The following FHIT variants were observed in gnomAD, a reference collection of about 807,000 sequenced individuals.
FHIT encodes fragile histidine triad diadenosine triphosphatase, also known as bis(5'-adenosyl)-triphosphatase.
Under a neutral mutation model 17.9 loss-of-function variants are expected in FHIT, and 19 were observed. The observed-to-expected ratio is 1.06, with a 90% CI of 0.74 to 1.56. The LOEUF (loss-of-function observed/expected upper bound fraction) is 1.56. FHIT is among the 40% of genes most tolerant of loss of function. The pLI, the probability that FHIT is intolerant of heterozygous loss-of-function variation, is 0.00. For synonymous variants in FHIT, 81 were observed against 69.7 expected, an observed-to-expected ratio of 1.16 and a Z score of -0.81; for missense variants, 248 against 189.2, an observed-to-expected ratio of 1.31 and a Z score of -1.82.
chr3:61,010,469 A>T (rs1161220658), intron 3 of FHIT, among the ~76,000 whole-genome samples: 2 of 152,232 alleles, frequency 1.3e-5, no homozygotes, highest in Non-Finnish European at 2.9e-5. Context: ...TTGTCATTTT[A>T]CAGATGACAA....
chr3:61,099,999 G>A (rs2035767358), intron 2 of FHIT, among the ~76,000 whole-genome samples: 1 of 152,080 alleles, frequency 6.6e-6, no homozygotes, highest in Non-Finnish European at 1.5e-5. Flanking sequence ...TAGTGGGTGT[G>A]AAGTGGTGTC....
At chr3:60,411,855 C>T (rs749063169) in intron 5 of FHIT, among the ~76,000 whole-genome samples, 3 of 152,016 alleles carry the variant, frequency 2.0e-5, no homozygotes, top group Non-Finnish European at 2.9e-5. Flanking sequence ...AGAAACAATT[C>T]CCAAAGAGGT....
intron 4 of FHIT, among the ~76,000 whole-genome samples, chr3:60,667,656 G>T (rs782676306): frequency 7.2e-4 from 110 of 151,998 alleles, no homozygotes; most frequent in Non-Finnish European, 1.3e-3. Context: ...GATTTTCTTG[G>T]TTCTTGGTAT....
At chr3:60,554,729 T>A (rs2036685010) in intron 4 of FHIT, among the ~76,000 whole-genome samples, 1 of 152,210 alleles carries the variant, frequency 6.6e-6, no homozygotes, top group Admixed American at 6.5e-5. Flanking sequence ...ATAAATTATA[T>A]TTTGAACATT....
chr3:60,067,658 A>C (rs1428967321), intron 5 of FHIT, among the ~76,000 whole-genome samples: 1 of 152,156 alleles, frequency 6.6e-6, no homozygotes, highest in African/African-American at 2.4e-5. Flanking sequence ...TGCGAAAGTC[A>C]CTTCTACAGC....
At chr3:60,314,166 G>A (rs962944744) in intron 5 of FHIT, among the ~76,000 whole-genome samples, 1 of 152,126 alleles carries the variant, frequency 6.6e-6, no homozygotes, top group Non-Finnish European at 1.5e-5. Flanking sequence ...CAGCTGTCCT[G>A]CTCTTGTGTC....
At chr3:60,084,101 A>G (rs1017987616) in intron 5 of FHIT, among the ~76,000 whole-genome samples, 1 of 152,194 alleles carries the variant, frequency 6.6e-6, no homozygotes, top group African/African-American at 2.4e-5. Context: ...ATACGTACAT[A>G]CATAATGTTG....
At chr3:60,975,671 G>T (rs1157244443) in intron 3 of FHIT, among the ~76,000 whole-genome samples, 1 of 151,990 alleles carries the variant, frequency 6.6e-6, no homozygotes, top group Non-Finnish European at 1.5e-5. Flanking sequence ...AACCTTTTTT[G>T]AATATGACCC....
chr3:60,701,000 G>C (rs781935629), intron 4 of FHIT, among the ~76,000 whole-genome samples: 1 of 151,752 alleles, frequency 6.6e-6, no homozygotes, highest in Non-Finnish European at 1.5e-5. Context: ...TAATTCATCT[G>C]AATTTTTAGA....
At chr3:61,230,387 T>C (rs1246511130) in intron 1 of FHIT, among the ~76,000 whole-genome samples, 1 of 152,222 alleles carries the variant, frequency 6.6e-6, no homozygotes, top group African/African-American at 2.4e-5. Flanking sequence ...TTTTGCCATA[T>C]GACATGCCTG....
intron 4 of FHIT, among the ~76,000 whole-genome samples, chr3:60,702,494 A>G (rs1165779661): frequency 6.6e-6 from 1 of 151,778 alleles, no homozygotes; most frequent in East Asian, 1.9e-4. Context: ...AATTGTTACT[A>G]AGGATTTTAT....
rs1048707792 is a variant in FHIT at position 59,748,407 on chromosome 3, G to A, written c.*1178C>T. 6.6e-5 allele frequency among the ~76,000 whole-genome samples: 10 copies of A among 152,084 alleles called. No homozygotes were observed. Among genetic ancestry groups the A allele is most frequent in the African/African-American group, 2.4e-4 (10 of 41,434 alleles). ...GAAAGTGGGAGGGTAGCCTAGGCAG[G>A]ATTCAGCATGATCTGAGAATCTTGC... On this transcript the variant is annotated 3_prime_UTR_variant, in exon 10 of 10. Transcript: ENST00000492590.
intron 5 of FHIT, among the ~76,000 whole-genome samples, chr3:60,469,048 G>A (rs2032946590): frequency 6.6e-6 from 1 of 151,958 alleles, no homozygotes; most frequent in Non-Finnish European, 1.5e-5. Context: ...ATACATTTTG[G>A]AGATCTTTGT....
chr3:59,965,018 T>C (rs192246334), intron 7 of FHIT, among the ~76,000 whole-genome samples: 9 of 152,246 alleles, frequency 5.9e-5, no homozygotes, highest in Non-Finnish European at 8.8e-5. Flanking sequence ...ATCATGTTCA[T>C]AGGAATTAAA....
chr3:60,569,757 T>TATATATATA (rs1449802542), intron 4 of FHIT, among the ~76,000 whole-genome samples: 2 of 21,702 alleles, frequency 9.2e-5, no homozygotes, highest in Non-Finnish European at 1.8e-4. Flanking sequence ...ATATATATAT[T>TATATATATA]TTTTTTTTTT....
intron 3 of FHIT, among the ~76,000 whole-genome samples, chr3:61,012,991 A>G (rs987164457): frequency 7.9e-5 from 12 of 152,226 alleles, no homozygotes; most frequent in East Asian, 1.9e-4. Flanking sequence ...AATTGACAAT[A>G]GTGAGACTCA....
chr3:60,748,894 G>A (rs1465217357), intron 4 of FHIT, among the ~76,000 whole-genome samples: 2 of 152,116 alleles, frequency 1.3e-5, no homozygotes, highest in Non-Finnish European at 2.9e-5. Flanking sequence ...ACATTGTATT[G>A]TTTAAGCAAT....
chr3:60,175,218 C>T (rs1040549750), intron 5 of FHIT, among the ~76,000 whole-genome samples: 25 of 152,172 alleles, frequency 1.6e-4, no homozygotes, highest in African/African-American at 4.3e-4. Context: ...ATCTAGATAA[C>T]CAGGACACAG....
chr3:59,923,055 C>T (rs1233031720), intron 7 of FHIT, among the ~76,000 whole-genome samples: 4 of 151,428 alleles, frequency 2.6e-5, no homozygotes, highest in Non-Finnish European at 5.9e-5. Flanking sequence ...GTCAGGAGAT[C>T]GAGATCATCC....
Sources: allele counts gnomAD v4.1 joint callset (sites outside exome capture counted in the v4.1 genomes callset), GRCh38; gene constraint gnomAD v4.1.1; transcripts MANE v1.5; gene names NCBI Gene and HGNC (gene_info 2026-07-23, HGNC 2026-07-21).